Variants in RPIA observed in about 807,000 individuals in gnomAD.
The protein encoded by RPIA is ribose 5-phosphate isomerase A.
In RPIA, 29 loss-of-function variants were observed where a neutral mutation model predicts 37.8. The ratio of observed to expected loss-of-function variants is 0.77; its 90% CI spans 0.57 to 1.05. The LOEUF (loss-of-function observed/expected upper bound fraction) is 1.05, where lower values mean the gene tolerates loss of function less well. RPIA is among the 50% of genes least tolerant of loss of function. RPIA has a pLI of 0.00. For synonymous variants in RPIA, 167 were observed against 157.0 expected (o/e 1.06, Z -0.48); for missense variants, 385 against 413.6 (o/e 0.93, Z 0.60).
chr2:88,692,257 G>GTGC (rs1257163568), intron 1 of RPIA, among the ~76,000 whole-genome samples: 1 of 152,210 alleles, frequency 6.6e-6, no homozygotes, highest in Non-Finnish European at 1.5e-5. Context: ...GTGGAGCCTG[G>GTGC]TGCTGTCTGA....
At chr2:88,726,366 AT>A (rs558180365) in intron 3 of RPIA, among the ~76,000 whole-genome samples, 200 of 145,770 alleles carry the variant, frequency 1.4e-3, no homozygotes, top group South Asian at 0.012. Flanking sequence ...TTTTTTTGTG[AT>A]TTTTTTTTTT....
rs567204745 is a variant in RPIA, at chr2:88,711,919, T to C, written c.402+11855T>C. 4.7e-4 allele frequency among the ~76,000 whole-genome samples: 72 copies of C among 152,308 alleles called. 1 individual carries two copies. Among genetic ancestry groups the C allele is most frequent in the Middle Eastern group, 6.8e-3 (2 of 292 alleles). On this transcript the variant is annotated intron_variant, in intron 3 of 8. Transcript: ENST00000283646. The stretch of plus-strand genomic sequence containing the variant: ...CTTTGGGAGGCTGAGGTGTGAGGAT[T>C]GCTTGAGCTCAGTTCGAGACCAGCC...
intron 8 of RPIA, among the ~76,000 whole-genome samples, chr2:88,742,234 A>G (rs1673391191): frequency 6.6e-6 from 1 of 152,142 alleles, no homozygotes; most frequent in African/African-American, 2.4e-5. Flanking sequence ...TTTTTGTATA[A>G]GAGATGAGAA....
chr2:88,727,165 C>A (rs542257041), intron 3 of RPIA, among the ~76,000 whole-genome samples: 1 of 152,356 alleles, frequency 6.6e-6, no homozygotes, highest in African/African-American at 2.4e-5. Context: ...TGCAGCCTTA[C>A]CCCTGCCCTC....
At chr2:88,720,948 A>C (rs1381694207) in intron 3 of RPIA, among the ~76,000 whole-genome samples, 1 of 152,234 alleles carries the variant, frequency 6.6e-6, no homozygotes, top group African/African-American at 2.4e-5. Context: ...CACAATAGCA[A>C]AGACTTGGAA....
chr2:88,707,484 A>G (rs1188993560), intron 3 of RPIA, among the ~76,000 whole-genome samples: 4 of 152,310 alleles, frequency 2.6e-5, no homozygotes, highest in South Asian at 2.1e-4. Context: ...TACAAACCCA[A>G]TAATGTTGGG....
At chr2:88,716,738 C>T (rs1032084159) in intron 3 of RPIA, among the ~76,000 whole-genome samples, 4 of 152,114 alleles carry the variant, frequency 2.6e-5, no homozygotes, top group African/African-American at 9.7e-5. Flanking sequence ...GATACAGTCT[C>T]TGGAAATGGT....
rs367797477 is a variant in RPIA at position 88,701,684 on chromosome 2, A to G, written c.402+1620A>G. 4.8e-3 allele frequency among the ~76,000 whole-genome samples: 5 copies of G among 1,036 alleles called. No individual in the cohort carries two copies. The South Asian group carries it at 0.094, about 19-fold the overall frequency. 0.7% of individuals were successfully genotyped at this position (1,036 alleles called of 152,430 possible). A position where few individuals can be genotyped will look rare whatever the true frequency, so the allele number is the denominator to read the frequency against. On this transcript the variant is annotated intron_variant, in intron 3 of 8. Transcript: ENST00000283646. ...TTATTCTGAGCCAAGTTTGAGGACT[A>G]TAGATCAGGGACACAGACTCAGAGC...
chr2:88,705,674 A>G (rs1441731850), intron 3 of RPIA, among the ~76,000 whole-genome samples: 1 of 152,220 alleles, frequency 6.6e-6, no homozygotes. Context: ...TGACAAAAAC[A>G]TCAAAAACAA....
intron 1 of RPIA, among the ~76,000 whole-genome samples, chr2:88,695,958 T>C (rs909462915): frequency 1.3e-5 from 2 of 152,158 alleles, no homozygotes; most frequent in African/African-American, 4.8e-5. Context: ...CTCTACTTGT[T>C]GGTCATTCTT....
At chr2:88,721,446 A>G (rs1673125767) in intron 3 of RPIA, among the ~76,000 whole-genome samples, 1 of 148,172 alleles carries the variant, frequency 6.7e-6, no homozygotes, top group Non-Finnish European at 1.5e-5. Flanking sequence ...TAATATAATT[A>G]GTATAATATA....
At chr2:88,708,749 A>C (rs1304095566) in intron 3 of RPIA, among the ~76,000 whole-genome samples, 4 of 148,242 alleles carry the variant, frequency 2.7e-5, no homozygotes, top group Non-Finnish European at 1.5e-5. Flanking sequence ...AATTTTGCCA[A>C]ATGGATTTTT....
At chr2:88,739,584 C>G (rs770573743) in intron 8 of RPIA, among the ~76,000 whole-genome samples, 10 of 152,138 alleles carry the variant, frequency 6.6e-5, no homozygotes, top group Admixed American at 1.3e-4. Flanking sequence ...TGAATATAAG[C>G]TGTGTAATGA....
chr2:88,704,919 C>T (rs974970500), intron 3 of RPIA, among the ~76,000 whole-genome samples: 2 of 152,066 alleles, frequency 1.3e-5, no homozygotes, highest in Non-Finnish European at 2.9e-5. Context: ...TTCCTATACA[C>T]CAACAATAGA....
At chr2:88,721,490 ATAAT>A (rs1673126861) in intron 3 of RPIA, among the ~76,000 whole-genome samples, 2 of 147,206 alleles carry the variant, frequency 1.4e-5, no homozygotes, top group South Asian at 4.2e-4. Context: ...TTTTATTATT[ATAAT>A]TAATATATGT....
At chr2:88,714,640 G>C (rs574654643) in intron 3 of RPIA, among the ~76,000 whole-genome samples, 218 of 152,178 alleles carry the variant, frequency 1.4e-3, no homozygotes, top group Non-Finnish European at 2.8e-3. Context: ...TTTTTGGGAG[G>C]GGTATGCATG....
intron 8 of RPIA, among the ~76,000 whole-genome samples, chr2:88,744,645 A>G (rs1168845760): frequency 6.6e-6 from 1 of 152,204 alleles, no homozygotes; most frequent in African/African-American, 2.4e-5. Context: ...TCTTAGGTCT[A>G]GTAGTAACAG....
At chr2:88,742,719 T>C (rs1023310096) in intron 8 of RPIA, among the ~76,000 whole-genome samples, 2 of 152,220 alleles carry the variant, frequency 1.3e-5, no homozygotes, top group Non-Finnish European at 2.9e-5. Context: ...GTGGTTTTTT[T>C]CAGCAGTATT....
chr2:88,734,445 A>G, intron 4 of RPIA, 107 bp from the exon 5 acceptor site: 1 of 1,051,916 alleles, frequency 9.5e-7, no homozygotes, highest in Admixed American at 1.7e-5. Flanking sequence ...GAGTACTAGA[A>G]TTAGCTAACA....
Sources: gnomAD v4.1 joint callset for allele counts (sites outside exome capture counted in the v4.1 genomes callset) on GRCh38, gnomAD v4.1.1 for gene constraint, MANE v1.5 for transcripts, NCBI Gene and HGNC (gene_info 2026-07-23, HGNC 2026-07-21) for gene names.